The following CD8A variants were observed in gnomAD, a reference collection of about 807,000 sequenced individuals.
The protein encoded by CD8A is T-cell surface glycoprotein CD8 alpha chain.
A neutral mutation model predicts 24.2 loss-of-function variants in CD8A; 25 were observed. The ratio of observed to expected loss-of-function variants is 1.03; its 90% CI spans 0.75 to 1.44. The LOEUF is 1.44. CD8A is among the 40% of genes most tolerant of loss of function. The probability of loss-of-function intolerance (pLI) is 0.00; values close to 1 mark genes in which losing one functional copy is unlikely to be tolerated. For synonymous variants in CD8A, 165 were observed against 149.9 expected (o/e 1.10, Z -0.74); for missense variants, 360 against 319.7 (o/e 1.13, Z -0.96).
At position 86,785,400 on chromosome 2, in the gene CD8A, C is replaced by T. The variant is rs1167753966; in HGVS notation, c.*520G>A. ...CCAGGTATCAAGAAGTACTTGTTCC[C>T]TTGCCGTTGGAGACTCAAGCACCTC... On this transcript the variant is annotated 3_prime_UTR_variant, in exon 6 of 6. Transcript: ENST00000283635. 9 of 454,442 alleles carry T rather than the reference C, an allele frequency of 2.0e-5. No homozygotes were observed. Among genetic ancestry groups the T allele is most frequent in the African/African-American group, 6.0e-5 (3 of 50,022 alleles). The allele number at this position is 454,442 out of a possible 1,614,324, so 28.2% of individuals were successfully genotyped here.
chr2:86,798,218 C>T (rs1307276889), intron 3 of CD8A, among the ~76,000 whole-genome samples: 1 of 149,882 alleles, frequency 6.7e-6, no homozygotes, highest in Non-Finnish European at 1.5e-5. Flanking sequence ...TCTTGTTGCT[C>T]AGGTTGGAGT....
At chr2:86,801,644 G>A (rs1344564959) in exon 3 of CD8A, 3 of 151,700 alleles carry the variant, frequency 2.0e-5, no homozygotes, top group Non-Finnish European at 4.4e-5. Flanking sequence ...ACTGCACCTG[G>A]TTCATGCTTT....
chr2:86,789,253 G>T (rs1673157965), intron 4 of CD8A, 70 bp downstream of exon 4: 3 of 1,027,938 alleles, frequency 2.9e-6, no homozygotes, highest in Admixed American at 1.7e-5. Context: ...CGCAAGGTCC[G>T]CCTGGAGCTA....
intron 5 of CD8A, among the ~76,000 whole-genome samples, chr2:86,788,245 GTTTT>G (rs10663115): frequency 3.1e-5 from 4 of 127,110 alleles, no homozygotes; most frequent in African/African-American, 1.2e-4. Flanking sequence ...AATCCCTCAG[GTTTT>G]TTTTTTTTTT....
At chr2:86,803,458 C>T (rs1046127810) in intron 2 of CD8A, among the ~76,000 whole-genome samples, 27 of 152,174 alleles carry the variant, frequency 1.8e-4, no homozygotes, top group African/African-American at 5.6e-4. Flanking sequence ...TAGCATTTGC[C>T]ATAACCTAGA....
chr2:86,791,186 A>G (rs545697216), upstream of CD8A: 5 of 486,314 alleles, frequency 1.0e-5, no homozygotes, highest in Middle Eastern at 5.9e-4. Flanking sequence ...AGGGAGACCA[A>G]AGATTTCAAG....
chr2:86,789,838 A>C, intron 2 of CD8A, 88 bp from the exon 3 acceptor site: 1 of 747,538 alleles, frequency 1.3e-6, no homozygotes, highest in Non-Finnish European at 1.9e-6. Context: ...CCCCACGGGG[A>C]CGCCTCCCCC....
chr2:86,787,629 TA>T (rs908855373), intron 5 of CD8A, among the ~76,000 whole-genome samples: 2 of 151,996 alleles, frequency 1.3e-5, no homozygotes, highest in Admixed American at 6.5e-5. Context: ...AACTTAAAAT[TA>T]AAAAAAATCT....
Position 86,785,257 on chromosome 2 carries a change from A to G in CD8A, c.*663T>C. ...CCACTTCATTTTATTTTAGGTCTAT[A>G]CAATTTTAGGCTTGATTATAAAAAA... On this transcript the variant is annotated 3_prime_UTR_variant, in exon 6 of 6. Coordinates refer to ENST00000283635, the MANE Select transcript of CD8A (RefSeq NM_001768.7). 2.2e-6 allele frequency: 1 copy of G among 452,756 alleles called. No individual in the cohort carries two copies. Among genetic ancestry groups the G allele is most frequent in the South Asian group, 1.6e-5 (1 of 64,394 alleles). The allele number at this position is 452,756 out of a possible 1,614,324, so 28.0% of individuals were successfully genotyped here. A position where few individuals can be genotyped will look rare whatever the true frequency, so the allele number is the denominator to read the frequency against.
chr2:86,791,055 C>G (rs36227196), upstream of CD8A: 1 of 702,238 alleles, frequency 1.4e-6, no homozygotes, highest in Admixed American at 2.0e-5. Flanking sequence ...TGAATAGGGC[C>G]GTCGAGGCAG....
upstream of CD8A, among the ~76,000 whole-genome samples, chr2:86,794,689 A>G (rs1300504266): frequency 6.6e-6 from 1 of 152,036 alleles, no homozygotes; most frequent in African/African-American, 2.4e-5. Flanking sequence ...CCTTCTAGAG[A>G]AAATCTCATC....
chr2:86,787,173 C>G (rs1490135477), intron 5 of CD8A, among the ~76,000 whole-genome samples: 1 of 146,866 alleles, frequency 6.8e-6, no homozygotes, highest in Non-Finnish European at 1.5e-5. Flanking sequence ...ACCTCCGCCT[C>G]CCACGTTCAA....
Position 86,785,490 on chromosome 2 carries a change from G to A in CD8A, c.*430C>T, listed in dbSNP as rs756777701. ...TGTGGAGGAAAGAGCCCTGAGCTGG[G>A]AGACAAGGTCCCTCCAGCTACTGCT... On this transcript the variant is annotated 3_prime_UTR_variant, in exon 6 of 6. Coordinates refer to ENST00000283635, the MANE Select transcript of CD8A (RefSeq NM_001768.7). 2.8e-5 allele frequency: 13 copies of A among 459,276 alleles called. No individual in the cohort carries two copies. The highest frequency in any genetic ancestry group is 1.6e-4 in the Admixed American group (7 of 42,676). 28.5% of individuals were successfully genotyped at this position (459,276 alleles called of 1,614,324 possible).
In CD8A at chr2:86,789,741, G is replaced by T; in HGVS notation, c.413C>A (p.Thr138Asn). Residue 138 changes from threonine (T) to asparagine (N), a missense_variant, in exon 3 of 6, where the codon ACC becomes AAC. Transcript: ENST00000283635. ...TGGTGGTCGCGGCGCTGGCGTCGTG[G>T]TGGGCTTCGCTGCAAGAGCAACAGA... ...FVPVFLPAKP[T>N]TTPAPRPPTP... The T allele has an allele frequency of 7.3e-7, 1 of 1,362,368 alleles. No homozygotes were observed. Among genetic ancestry groups the T allele is most frequent in the African/African-American group, 1.5e-5 (1 of 65,974 alleles). 84.4% of individuals were successfully genotyped at this position (1,362,368 alleles called of 1,614,324 possible).
intron 5 of CD8A, among the ~76,000 whole-genome samples, chr2:86,787,038 AAAG>A (rs1212914835): frequency 2.1e-3 from 291 of 136,360 alleles, no homozygotes; most frequent in Non-Finnish European, 3.5e-3. Flanking sequence ...AAAAAAAAAA[AAAG>A]AAAAGAAAAG....
intron 3 of CD8A, 79 bp downstream of exon 3, chr2:86,789,561 T>G (rs961560395): frequency 4.6e-5 from 60 of 1,306,194 alleles, no homozygotes; most frequent in Admixed American, 1.1e-4. Flanking sequence ...TGACTCTACC[T>G]ACAGTATCAG....
chr2:86,794,629 G>T (rs1673422630), upstream of CD8A, among the ~76,000 whole-genome samples: 3 of 152,094 alleles, frequency 2.0e-5, no homozygotes, highest in African/African-American at 7.2e-5. Flanking sequence ...CTTCTTTCCT[G>T]GACTTTTGCA....
rs910234380 is a variant in CD8A, at chr2:86,789,633, G to C, written c.514+7C>G. On this transcript the variant is annotated splice_region_variant and intron_variant, in intron 3 of 5. Coordinates refer to ENST00000283635, the MANE Select transcript of CD8A (RefSeq NM_001768.7). ...CCGCCCCCGCCCCGGGCCCCCGCAC[G>C]CCTCACCTGCGCCCCCCGCCGCTGG... The C allele has an allele frequency of 1.7e-4, 247 of 1,486,282 alleles. No homozygotes were observed. Among genetic ancestry groups the C allele is most frequent in the Non-Finnish European group, 2.2e-4 (244 of 1,119,634 alleles). The allele number at this position is 1,486,282 out of a possible 1,614,324, so 92.1% of individuals were successfully genotyped here.
intron 5 of CD8A, among the ~76,000 whole-genome samples, chr2:86,788,235 A>T (rs1016569402): frequency 7.1e-6 from 1 of 141,084 alleles, no homozygotes; most frequent in Non-Finnish European, 1.5e-5. Context: ...AAATTGGGGG[A>T]ATCCCTCAGG....
Sources: gnomAD v4.1 joint callset for allele counts (sites outside exome capture counted in the v4.1 genomes callset) on GRCh38, gnomAD v4.1.1 for gene constraint, MANE v1.5 for transcripts, NCBI Gene and HGNC (gene_info 2026-07-23, HGNC 2026-07-21) for gene names.